Variants in LRRTM4 observed in about 807,000 individuals in gnomAD.
LRRTM4 encodes the protein leucine-rich repeat transmembrane neuronal protein 4.
Under a neutral mutation model 47.6 loss-of-function variants are expected in LRRTM4, and 25 were observed. The observed-to-expected ratio is 0.53, with a 90% CI of 0.38 to 0.73. The LOEUF is 0.73. LRRTM4 is among the 30% of genes least tolerant of loss of function. LRRTM4 has a pLI of 0.00. For synonymous variants in LRRTM4, 311 were observed against 269.5 expected (o/e 1.15, Z -1.51); for missense variants, 638 against 713.4 (o/e 0.89, Z 1.20).
At chr2:76,812,485 A>G (rs2103824793) in intron 3 of LRRTM4, among the ~76,000 whole-genome samples, 1 of 152,222 alleles carries the variant, frequency 6.6e-6, no homozygotes, top group East Asian at 1.9e-4. Context: ...GCAGCTTGCT[A>G]AACTGTGGTT....
chr2:76,788,935 A>G (rs1021598269), intron 3 of LRRTM4, among the ~76,000 whole-genome samples: 21 of 152,196 alleles, frequency 1.4e-4, no homozygotes, highest in African/African-American at 5.1e-4. Flanking sequence ...ACTGGTGGAA[A>G]AAGGTTTTAT....
At chr2:77,286,009 A>G (rs984746193) in intron 3 of LRRTM4, among the ~76,000 whole-genome samples, 41 of 152,178 alleles carry the variant, frequency 2.7e-4, no homozygotes, top group African/African-American at 9.4e-4. Context: ...AATTATAGAC[A>G]TCAACCATAT....
chr2:77,348,200 G>A (rs1465460109), intron 3 of LRRTM4, among the ~76,000 whole-genome samples: 1 of 151,776 alleles, frequency 6.6e-6, no homozygotes, highest in African/African-American at 2.4e-5. Flanking sequence ...ATTTAGATAA[G>A]TTGTATATAC....
At chr2:76,837,602 T>C (rs184964022) in intron 3 of LRRTM4, among the ~76,000 whole-genome samples, 10 of 152,032 alleles carry the variant, frequency 6.6e-5, no homozygotes, top group African/African-American at 1.4e-4. Flanking sequence ...ACCCAAAGGA[T>C]TATAAATCAT....
chr2:77,100,051 C>T (rs924362069), intron 3 of LRRTM4, among the ~76,000 whole-genome samples: 1 of 151,870 alleles, frequency 6.6e-6, no homozygotes, highest in African/African-American at 2.4e-5. Flanking sequence ...TTTTTGGTGT[C>T]CTCTTGGTCC....
intron 3 of LRRTM4, among the ~76,000 whole-genome samples, chr2:77,319,158 G>T (rs1677714860): frequency 6.6e-6 from 1 of 152,106 alleles, no homozygotes; most frequent in Non-Finnish European, 1.5e-5. Flanking sequence ...GTTGAGGCAG[G>T]CGGATCACTT....
intron 3 of LRRTM4, among the ~76,000 whole-genome samples, chr2:76,890,732 T>A (rs1447288527): frequency 6.6e-6 from 1 of 151,248 alleles, no homozygotes; most frequent in Non-Finnish European, 1.5e-5. Flanking sequence ...CGAACATAAC[T>A]GACAACATCT....
At chr2:76,960,174 A>G (rs185599345) in intron 3 of LRRTM4, among the ~76,000 whole-genome samples, 12 of 151,446 alleles carry the variant, frequency 7.9e-5, no homozygotes, top group African/African-American at 2.9e-4. Flanking sequence ...CCATATTTGA[A>G]AAAAAAAATT....
At chr2:77,017,557 C>T (rs1358563590) in intron 3 of LRRTM4, among the ~76,000 whole-genome samples, 4 of 152,274 alleles carry the variant, frequency 2.6e-5, no homozygotes, top group African/African-American at 9.6e-5. Context: ...GGCCACATCT[C>T]TCACGTGTTT....
chr2:76,771,947 A>C (rs985181322), intron 3 of LRRTM4, among the ~76,000 whole-genome samples: 1 of 152,196 alleles, frequency 6.6e-6, no homozygotes, highest in Non-Finnish European at 1.5e-5. Context: ...GAGAGGGATA[A>C]TAAACCAAAA....
At chr2:77,013,318 G>T (rs1460583605) in intron 3 of LRRTM4, among the ~76,000 whole-genome samples, 1 of 152,158 alleles carries the variant, frequency 6.6e-6, no homozygotes, top group Non-Finnish European at 1.5e-5. Flanking sequence ...TTTGGCAAAG[G>T]CAGGGACGGA....
chr2:77,440,218 T>C (rs1467757843), intron 3 of LRRTM4, among the ~76,000 whole-genome samples: 1 of 152,100 alleles, frequency 6.6e-6, no homozygotes, highest in Non-Finnish European at 1.5e-5. Context: ...ATCGAGACCA[T>C]CCTGGCTAAC....
intron 3 of LRRTM4, among the ~76,000 whole-genome samples, chr2:76,918,930 C>G (rs901888424): frequency 3.3e-5 from 5 of 152,188 alleles, no homozygotes; most frequent in Admixed American, 3.3e-4. Context: ...GAAAAACTCA[C>G]AGGAGTCAGA....
chr2:77,120,993 T>A (rs1206056456), intron 3 of LRRTM4, among the ~76,000 whole-genome samples: 2 of 151,780 alleles, frequency 1.3e-5, no homozygotes, highest in East Asian at 3.9e-4. Context: ...ACACAGTAGA[T>A]CTACGTATCT....
chr2:77,378,437 G>A (rs780493113), intron 3 of LRRTM4, among the ~76,000 whole-genome samples: 17 of 151,934 alleles, frequency 1.1e-4, no homozygotes, highest in Admixed American at 1.3e-4. Flanking sequence ...TTTTCAAAAT[G>A]TATCTCTATA....
At chr2:77,248,210 TTG>T (rs1323120321) in intron 3 of LRRTM4, among the ~76,000 whole-genome samples, 1 of 151,570 alleles carries the variant, frequency 6.6e-6, no homozygotes, top group Non-Finnish European at 1.5e-5. Flanking sequence ...TACAAAATAA[TTG>T]TGTGTTTTAT....
intron 3 of LRRTM4, among the ~76,000 whole-genome samples, chr2:76,885,462 C>CTT (rs775279021): frequency 0.14 from 18,753 of 135,430 alleles, 1,735 homozygotes; most frequent in Admixed American, 0.24. Flanking sequence ...CAAAAACATG[C>CTT]TTTTTTTTTT....
chr2:77,104,642 G>A (rs1289341704), intron 3 of LRRTM4, among the ~76,000 whole-genome samples: 1 of 152,150 alleles, frequency 6.6e-6, no homozygotes, highest in Non-Finnish European at 1.5e-5. Flanking sequence ...GGAAGCACAA[G>A]ATCCGACAGA....
chr2:76,862,492 G>T (rs1043182843), intron 3 of LRRTM4, among the ~76,000 whole-genome samples: 3 of 152,130 alleles, frequency 2.0e-5, no homozygotes, highest in Non-Finnish European at 4.4e-5. Context: ...GCTGAGAAAT[G>T]GTATTGTCTT....
Sources: allele counts gnomAD v4.1 joint callset (sites outside exome capture counted in the v4.1 genomes callset), GRCh38; gene constraint gnomAD v4.1.1; transcripts MANE v1.5; gene names NCBI Gene and HGNC (gene_info 2026-07-23, HGNC 2026-07-21).